The following TJP1 variants were observed in gnomAD, a reference collection of about 807,000 sequenced individuals.
TJP1 encodes the protein tight junction protein ZO-1.
Under a neutral mutation model 194.2 loss-of-function variants are expected in TJP1, and 43 were observed. The observed-to-expected ratio is 0.22, with a 90% CI of 0.17 to 0.29. The LOEUF (loss-of-function observed/expected upper bound fraction) is 0.29, where lower values mean the gene tolerates loss of function less well. TJP1 is among the 10% of genes least tolerant of loss of function. TJP1 has a pLI of 1.00. For synonymous variants in TJP1, 801 were observed against 779.0 expected, an observed-to-expected ratio of 1.03 and a Z score of -0.47; for missense variants, 1,971 against 2,185.7, an observed-to-expected ratio of 0.90 and a Z score of 1.96.
chr15:29,918,158 T>C (rs1449654787), intron 2 of TJP1, among the ~76,000 whole-genome samples: 3 of 152,150 alleles, frequency 2.0e-5, no homozygotes, highest in African/African-American at 7.2e-5. Flanking sequence ...TGTGTTAGAG[T>C]TTCCTTCCTT....
In TJP1 at chr15:29,734,382, C is replaced by T. The variant is rs762766820; in HGVS notation, c.1408G>A (p.Val470Ile). 1 of 1,599,290 alleles carries T rather than the reference C, an allele frequency of 6.3e-7. No individual in the cohort carries two copies. The highest frequency in any genetic ancestry group is 8.5e-7 in the Non-Finnish European group (1 of 1,170,336). ...GLEEGDQILRVNNVDFTNIIR... is the reference protein window; with the variant it reads ...GLEEGDQILRINNVDFTNIIR... ...ATATTTGTAAAATCTACGTTGTTTACCTAATAAATAAGATTTCATAAATCA... is the reference window on the plus strand; with the variant it reads ...ATATTTGTAAAATCTACGTTGTTTATCTAATAAATAAGATTTCATAAATCA... The change falls in exon 12 of 28, where the codon GTA becomes ATA. Residue 470 changes from valine to isoleucine, a missense_variant and splice_region_variant. Around this residue, in one of 5 missense-constraint regions of TJP1, gnomAD observed 402 missense variants for 484.2 expected, o/e 0.83. Transcript: ENST00000614355.
At chr15:29,860,976 A>G (rs867089806) in intron 2 of TJP1, among the ~76,000 whole-genome samples, 12 of 152,364 alleles carry the variant, frequency 7.9e-5, no homozygotes, top group Middle Eastern at 3.4e-3. Flanking sequence ...TTTTATATAG[A>G]CTGAGAAACG....
chr15:29,939,296 C>A (rs1441720399), intron 2 of TJP1, among the ~76,000 whole-genome samples: 1 of 152,090 alleles, frequency 6.6e-6, no homozygotes, highest in Non-Finnish European at 1.5e-5. Context: ...ATAATAGTGC[C>A]CTGTCAGTAC....
rs77874670 is a variant in TJP1, at chr15:29,771,219, A to G, written c.312+845T>C. ...GCAATTCTGTCTTTGTGTGAACATC[A>G]CAGAACGTTATCTTCCCAAACCCAG... On this transcript the variant is annotated intron_variant, in intron 4 of 27. Coordinates refer to ENST00000614355, the MANE Select transcript of TJP1 (RefSeq NM_001330239.4). 8.0e-3 allele frequency among the ~76,000 whole-genome samples: 1,217 copies of G among 152,302 alleles called. 13 individuals are homozygous for G. The highest frequency in any genetic ancestry group is 0.012 in the Non-Finnish European group (806 of 68,014).
intron 1 of TJP1, among the ~76,000 whole-genome samples, chr15:29,967,106 C>T (rs568798741): frequency 2.6e-5 from 4 of 151,962 alleles, no homozygotes; most frequent in Non-Finnish European, 4.4e-5. Flanking sequence ...CTCTGCCTCC[C>T]GGGTTCAAGC....
At chr15:29,776,198 G>C (rs1322799277) in intron 2 of TJP1, among the ~76,000 whole-genome samples, 1 of 151,868 alleles carries the variant, frequency 6.6e-6, no homozygotes, top group Admixed American at 6.6e-5. Context: ...CATGAAAAAG[G>C]GATTAATTCC....
chr15:29,722,875 G>A (rs1293059624), intron 18 of TJP1, among the ~76,000 whole-genome samples: 1 of 152,216 alleles, frequency 6.6e-6, no homozygotes, highest in Non-Finnish European at 1.5e-5. Flanking sequence ...AGTCAACGGA[G>A]ATTATTTTGG....
chr15:29,826,920 G>T (rs914868851), upstream of TJP1, among the ~76,000 whole-genome samples: 2 of 152,078 alleles, frequency 1.3e-5, no homozygotes, highest in African/African-American at 2.4e-5. Flanking sequence ...TGGGGACTGG[G>T]GCCTCTGCTC....
intron 2 of TJP1, among the ~76,000 whole-genome samples, chr15:29,931,268 A>AG (rs1316827959): frequency 6.6e-6 from 1 of 152,144 alleles, no homozygotes; most frequent in Non-Finnish European, 1.5e-5. Context: ...GAGGAAGAGG[A>AG]GGGGTTGATC....
At chr15:29,956,954 T>C (rs1192130228) in intron 1 of TJP1, among the ~76,000 whole-genome samples, 3 of 152,168 alleles carry the variant, frequency 2.0e-5, no homozygotes, top group African/African-American at 7.2e-5. Context: ...GCCATTAATA[T>C]TAGACTGAAG....
chr15:29,700,127 G>A (rs1440058293), downstream of TJP1: 1 of 397,050 alleles, frequency 2.5e-6, no homozygotes, highest in African/African-American at 2.1e-5. Context: ...CTAGAAAACA[G>A]TGGGCAAACA....
chr15:29,707,153 T>C (rs2041948964), intron 25 of TJP1, among the ~76,000 whole-genome samples: 2 of 152,098 alleles, frequency 1.3e-5, no homozygotes, highest in South Asian at 4.1e-4. Flanking sequence ...TGTATGGGCA[T>C]ATCCCAAACA....
At chr15:29,789,956 C>G (rs1040281943) in intron 2 of TJP1, among the ~76,000 whole-genome samples, 3 of 151,880 alleles carry the variant, frequency 2.0e-5, no homozygotes, top group Non-Finnish European at 4.4e-5. Context: ...GGGATCCCAG[C>G]CCAGACAAAC....
intron 2 of TJP1, among the ~76,000 whole-genome samples, chr15:29,931,497 A>G (rs2054712617): frequency 6.6e-6 from 1 of 152,238 alleles, no homozygotes; most frequent in Non-Finnish European, 1.5e-5. Context: ...TCCAAATTAT[A>G]AAGTTATTAA....
chr15:29,961,313 G>A (rs2056147559), intron 1 of TJP1, among the ~76,000 whole-genome samples: 1 of 147,368 alleles, frequency 6.8e-6, no homozygotes, highest in African/African-American at 2.5e-5. Context: ...AGCTTACAAT[G>A]AGGTTTTACT....
intron 2 of TJP1, 116 bp from the exon 3 acceptor site, chr15:29,773,473 T>C (rs2151647324): frequency 2.0e-6 from 2 of 997,648 alleles, no homozygotes; most frequent in South Asian, 3.3e-5. Flanking sequence ...ATATCTGTGA[T>C]CCATAAACAC....
intron 1 of TJP1, among the ~76,000 whole-genome samples, chr15:29,806,203 A>G (rs1405189316): frequency 6.6e-6 from 1 of 152,228 alleles, no homozygotes; most frequent in African/African-American, 2.4e-5. Context: ...TAGTCAACCA[A>G]GTAGCAGTGC....
intron 24 of TJP1, among the ~76,000 whole-genome samples, chr15:29,709,840 G>A (rs1481761985): frequency 6.6e-6 from 1 of 152,118 alleles, no homozygotes; most frequent in Non-Finnish European, 1.5e-5. Context: ...CCTGGCCAGT[G>A]CAATCAGCAA....
Position 29,895,086 on chromosome 15 carries a change from A to G in TJP1, c.306+61146T>C, listed in dbSNP as rs568540080. Among the ~76,000 whole-genome samples the G allele has an allele frequency of 5.3e-5, 8 of 152,224 alleles. No individual in the cohort carries two copies. The East Asian group carries it at 1.5e-3, about 29-fold the overall frequency. On this transcript the variant is annotated intron_variant, in intron 2 of 28. Coordinates refer to the TJP1 transcript ENST00000356107. ...TGTGATGACAGTGGTAGCCCCAATA[A>G]TCTCGAAAACGTCTTCAAAGTCATT...
Sources: gnomAD v4.1 joint callset for allele counts (sites outside exome capture counted in the v4.1 genomes callset) on GRCh38, gnomAD v4.1.1 for gene constraint, gnomAD v4.1.1 regional missense constraint, MANE v1.5 for transcripts, NCBI Gene and HGNC (gene_info 2026-07-23, HGNC 2026-07-21) for gene names.